Variants in USH2A observed in about 807,000 individuals in gnomAD.
USH2A encodes usherin.
USH2A carries 443 observed loss-of-function variants against 538.9 expected under a neutral mutation model. That is an observed-to-expected ratio of 0.82 (90% CI 0.76 to 0.89). The LOEUF is 0.89. Ranked by LOEUF, USH2A falls within the 40% of genes least tolerant of loss-of-function variation. The pLI is 0.00. For synonymous variants in USH2A, 2,413 were observed against 2,273.5 expected, an observed-to-expected ratio of 1.06 and a Z score of -1.75; for missense variants, 6,633 against 6,324.8, an observed-to-expected ratio of 1.05 and a Z score of -1.65.
In USH2A at chr1:216,228,107, G is replaced by T. The variant is rs564460569; in HGVS notation, c.2993+3846C>A. Among the ~76,000 whole-genome samples, 27 of 152,286 alleles carry T rather than the reference G, an allele frequency of 1.8e-4. No individual in the cohort carries two copies. In the South Asian group the frequency reaches 4.6e-3, roughly 26 times the overall value. ...AGAAGTTAAGGAGCAGGTTATGTGA[G>T]GCTTCCAGGGTGAATTGGAATTGGA... On this transcript the variant is annotated intron_variant, in intron 14 of 71. Coordinates refer to ENST00000307340, the MANE Select transcript of USH2A (RefSeq NM_206933.4).
rs777309100 is a variant in USH2A, at chr1:215,888,558, T to C, written c.8091A>G (p.Glu2697=). Residue 2697 remains glutamate (E), a synonymous_variant, in exon 41 of 72, where the codon GAA becomes GAG. Transcript: ENST00000307340. The part of the protein sequence containing the change: ...TSALSPWTKY[E]YRVLMSTLHG... ...GAAGAGTGCTCATCAGTACCCGATA[T>C]TCATATTTTGTCCATGGGCTAAGAG... is the stretch of plus-strand genomic sequence containing the variant. The C allele has an allele frequency of 1.9e-6, 3 of 1,614,146 alleles. No homozygotes were observed. The highest frequency in any genetic ancestry group is 8.5e-7 in the Non-Finnish European group (1 of 1,180,016).
intron 21 of USH2A, among the ~76,000 whole-genome samples, chr1:216,140,198 C>T (rs1448921454): frequency 6.6e-6 from 1 of 152,010 alleles, no homozygotes; most frequent in Non-Finnish European, 1.5e-5. Context: ...AAATAATTAA[C>T]ACGGATTGCT....
At chr1:215,866,985 C>G (rs779982439) in intron 44 of USH2A, 22 bp downstream of exon 44, 2 of 1,614,032 alleles carry the variant, frequency 1.2e-6, no homozygotes, top group South Asian at 2.2e-5. Flanking sequence ...AGTGTTAACA[C>G]AGGTATGAGA....
chr1:216,002,316 C>T (rs1267130136), intron 32 of USH2A, among the ~76,000 whole-genome samples: 1 of 152,154 alleles, frequency 6.6e-6, no homozygotes, highest in Admixed American at 6.6e-5. Context: ...TTGTATCTGC[C>T]ATTCCTCTGT....
chr1:215,798,801 C>A, intron 50 of USH2A, 106 bp downstream of exon 50: 4 of 1,264,430 alleles, frequency 3.2e-6, no homozygotes, highest in Admixed American at 1.8e-5. Context: ...TAGATATAAC[C>A]AATGTGAGCT....
At chr1:216,377,858 AGAAAGAAAGAAG>A (rs1197082476) in intron 3 of USH2A, among the ~76,000 whole-genome samples, 8 of 142,542 alleles carry the variant, frequency 5.6e-5, no homozygotes, top group Non-Finnish European at 9.2e-5. Context: ...AAAGAAAGAA[AGAAAGAAAGAAG>A]GAAAGAAAGA....
intron 31 of USH2A, among the ~76,000 whole-genome samples, chr1:216,047,966 A>C (rs1316215631): frequency 6.6e-6 from 1 of 152,154 alleles, no homozygotes; most frequent in Non-Finnish European, 1.5e-5. Context: ...CTGAAACCTT[A>C]ATTTATGCCA....
At chr1:216,288,085 G>A (rs1032909656) in intron 11 of USH2A, among the ~76,000 whole-genome samples, 14 of 151,984 alleles carry the variant, frequency 9.2e-5, no homozygotes, top group African/African-American at 3.4e-4. Flanking sequence ...TTTGTAATTG[G>A]GTGGTCAGCA....
chr1:215,638,137 T>C (rs1189297104), intron 69 of USH2A, among the ~76,000 whole-genome samples: 1 of 152,214 alleles, frequency 6.6e-6, no homozygotes, highest in Non-Finnish European at 1.5e-5. Context: ...AATATTAACA[T>C]TATGATCAAC....
chr1:216,165,451 A>T (rs2034148034), intron 21 of USH2A, among the ~76,000 whole-genome samples: 1 of 152,156 alleles, frequency 6.6e-6, no homozygotes, highest in African/African-American at 2.4e-5. Flanking sequence ...AGGACCATTA[A>T]CAAGAAATTT....
chr1:215,737,645 A>G (rs1291738852), intron 60 of USH2A, among the ~76,000 whole-genome samples: 3 of 151,934 alleles, frequency 2.0e-5, no homozygotes, highest in African/African-American at 7.2e-5. Flanking sequence ...AGATATGTAC[A>G]TGTATGGATA....
chr1:216,199,848 G>T lies in USH2A; in HGVS notation c.3590C>A (p.Ser1197Tyr). The part of the protein sequence containing the change: ...APLAGGQPCV[S>Y]YEGHETSATI... Reference sequence around the variant, plus strand: ...AGCTGAGGTTTCATGACCTTCGTAGGAAACACATGGCTGACCACCAGCCAA... The same window carrying T: ...AGCTGAGGTTTCATGACCTTCGTAGTAAACACATGGCTGACCACCAGCCAA... Residue 1197 changes from serine (S) to tyrosine (Y), a missense_variant, in exon 17 of 72, where the codon TCC becomes TAC. Ser to Tyr is a moderately radical substitution (Grantham distance 144). Transcript: ENST00000307340. 6.2e-7 allele frequency: 1 copy of T among 1,614,082 alleles called. No homozygotes were observed. The highest frequency in any genetic ancestry group is 8.5e-7 in the Non-Finnish European group (1 of 1,179,984).
intron 3 of USH2A, among the ~76,000 whole-genome samples, chr1:216,376,215 AAAAAT>A (rs1024879185): frequency 4.6e-5 from 7 of 152,200 alleles, no homozygotes; most frequent in African/African-American, 1.7e-4. Context: ...CACTTTGTAA[AAAAAT>A]AAAATAAAAA....
intron 19 of USH2A, among the ~76,000 whole-genome samples, chr1:216,192,544 A>T (rs969345672): frequency 6.6e-6 from 1 of 150,942 alleles, no homozygotes; most frequent in South Asian, 2.1e-4. Context: ...ATAAAAATTA[A>T]AAAAAAAATT....
intron 48 of USH2A, among the ~76,000 whole-genome samples, chr1:215,814,266 A>C (rs901780515): frequency 6.8e-6 from 1 of 147,116 alleles, no homozygotes; most frequent in African/African-American, 2.5e-5. Flanking sequence ...ACACATACAC[A>C]TATGTATATA....
At chr1:216,232,376 T>C (rs2035716494) in intron 13 of USH2A, among the ~76,000 whole-genome samples, 1 of 152,182 alleles carries the variant, frequency 6.6e-6, no homozygotes, top group South Asian at 2.1e-4. Context: ...AAATCTACCA[T>C]GCAATATTTC....
intron 61 of USH2A, among the ~76,000 whole-genome samples, chr1:215,688,192 G>T (rs1174134246): frequency 7.9e-6 from 1 of 125,868 alleles, no homozygotes; most frequent in Non-Finnish European, 1.7e-5. Flanking sequence ...ACAAAGTTTT[G>T]GGAGCAAGAG....
intron 12 of USH2A, among the ~76,000 whole-genome samples, chr1:216,247,485 TTGTTTC>T (rs2036076427): frequency 1.3e-5 from 2 of 152,184 alleles, no homozygotes; most frequent in Non-Finnish European, 2.9e-5. Context: ...AATGCAAATG[TTGTTTC>T]TGTTACATAT....
chr1:216,146,647 A>T (rs1353457043), intron 21 of USH2A, among the ~76,000 whole-genome samples: 1 of 151,824 alleles, frequency 6.6e-6, no homozygotes, highest in African/African-American at 2.4e-5. Flanking sequence ...CTGTGCCCCA[A>T]TCCCTTATTT....
Sources: gnomAD v4.1 joint callset for allele counts (sites outside exome capture counted in the v4.1 genomes callset) on GRCh38, gnomAD v4.1.1 for gene constraint, MANE v1.5 for transcripts, NCBI Gene and HGNC (gene_info 2026-07-23, HGNC 2026-07-21) for gene names.